The following LRBA variants were observed in gnomAD, a reference collection of about 807,000 sequenced individuals.
LRBA encodes lipopolysaccharide-responsive and beige-like anchor protein.
A neutral mutation model predicts 330.0 loss-of-function variants in LRBA; 176 were observed. The observed-to-expected ratio is 0.53, with a 90% CI of 0.47 to 0.60. LRBA has a LOEUF of 0.60. Among genes scored for constraint, LRBA ranks in the 20% least tolerant of loss-of-function variants. The probability of loss-of-function intolerance (pLI) is 0.00; values close to 1 mark genes in which losing one functional copy is unlikely to be tolerated. For synonymous variants in LRBA, 1,230 were observed against 1,193.0 expected, an observed-to-expected ratio of 1.03 and a Z score of -0.64; for missense variants, 3,259 against 3,444.8, an observed-to-expected ratio of 0.95 and a Z score of 1.35.
chr4:150,625,245 T>C (rs1462168096), intron 37 of LRBA, among the ~76,000 whole-genome samples: 1 of 152,184 alleles, frequency 6.6e-6, no homozygotes, highest in Non-Finnish European at 1.5e-5. Context: ...CACAATCACC[T>C]TTTGAAATCT....
At chr4:150,669,247 G>T (rs1023568237) in intron 37 of LRBA, among the ~76,000 whole-genome samples, 3 of 152,124 alleles carry the variant, frequency 2.0e-5, no homozygotes, top group Non-Finnish European at 4.4e-5. Flanking sequence ...TAGAGTTCCT[G>T]TATACCCTTC....
chr4:150,490,897 C>T lies in LRBA; in HGVS notation c.6448+21G>A, dbSNP rs75363772. The T allele has an allele frequency of 9.6e-3, 13,361 of 1,388,300 alleles. 87 individuals are homozygous for T. The highest frequency in any genetic ancestry group is 0.012 in the Non-Finnish European group (11,583 of 981,150). The allele number at this position is 1,388,300 out of a possible 1,614,324, so 86.0% of individuals were successfully genotyped here. Reference sequence around the variant, plus strand: ...GAGATGGAAGTTAGCTCTGTAACAACGTATTTCTGTAACACATTACCTCTG... The same window carrying T: ...GAGATGGAAGTTAGCTCTGTAACAATGTATTTCTGTAACACATTACCTCTG... On this transcript the variant is annotated intron_variant, in intron 41 of 56. Coordinates refer to ENST00000651943, the MANE Select transcript of LRBA (RefSeq NM_001364905.1).
chr4:150,704,316 G>A (rs4501201), intron 36 of LRBA, among the ~76,000 whole-genome samples: 106,841 of 151,776 alleles, frequency 0.7, 42,609 homozygotes, highest in Non-Finnish European at 0.9. Flanking sequence ...CCAAAACATT[G>A]TCTTGCCTCT....
Position 150,852,273 on chromosome 4 carries a change from T to A in LRBA, c.3437A>T (p.Asp1146Val), listed in dbSNP as rs1578998055. 6.2e-7 allele frequency: 1 copy of A among 1,614,134 alleles called. No individual in the cohort carries two copies. Among genetic ancestry groups the A allele is most frequent in the Non-Finnish European group, 8.5e-7 (1 of 1,180,016 alleles). The change falls in exon 23 of 57, where the codon GAC (aspartate) becomes GTC (valine). Residue 1146 changes from aspartate to valine, a missense_variant. Physicochemically the swap from Asp to Val is radical, Grantham distance 152. Transcript: ENST00000651943. The part of the protein sequence containing the change: ...PAASEAGEKL[D>V]MFGNDDKLIF... ...TAATTTGTCATCATTACCAAACATGTCCAGTTTTTCACCGGCTTCAGATGC... is the reference window on the plus strand; with the variant it reads ...TAATTTGTCATCATTACCAAACATGACCAGTTTTTCACCGGCTTCAGATGC...
At chr4:150,762,949 CT>C (rs1735294803) in intron 34 of LRBA, among the ~76,000 whole-genome samples, 1 of 151,856 alleles carries the variant, frequency 6.6e-6, no homozygotes, top group South Asian at 2.1e-4. Context: ...CATTCTCATC[CT>C]TTCTCTTCTA....
chr4:150,821,907 T>C (rs1442194890), intron 30 of LRBA, among the ~76,000 whole-genome samples: 1 of 152,166 alleles, frequency 6.6e-6, no homozygotes, highest in East Asian at 1.9e-4. Flanking sequence ...CATGTAGCTG[T>C]TACTCTAAAC....
chr4:150,432,340 A>T (rs1750502185), intron 46 of LRBA, among the ~76,000 whole-genome samples: 1 of 150,866 alleles, frequency 6.6e-6, no homozygotes, highest in Non-Finnish European at 1.5e-5. Context: ...CTCCAGCAAG[A>T]CAATACAAAT....
chr4:150,282,452 T>C lies in LRBA; in HGVS notation c.8314A>G (p.Arg2772Gly). Reference protein sequence around the residue: ...QATMETDDNIRAIQLSRDGQY... With the variant: ...QATMETDDNIGAIQLSRDGQY... ...TGAAGAGTCCCCAGGGCACTCACTC[T>C]TATGTTATCATCTGTTTCCATCGTG... is the stretch of plus-strand genomic sequence containing the variant. Residue 2772 changes from arginine to glycine, a missense_variant and splice_region_variant, in exon 55 of 57, where the codon AGA becomes GGA. By Grantham distance (125) the Arg-to-Gly change is moderately radical. Transcript: ENST00000651943. 1.9e-6 allele frequency: 3 copies of C among 1,613,936 alleles called. No individual in the cohort carries two copies. The highest frequency in any genetic ancestry group is 2.5e-6 in the Non-Finnish European group (3 of 1,179,848).
intron 47 of LRBA, among the ~76,000 whole-genome samples, chr4:150,355,787 T>G (rs1398168576): frequency 1.3e-5 from 2 of 152,144 alleles, no homozygotes; most frequent in African/African-American, 4.8e-5. Flanking sequence ...ATTGTACTTA[T>G]AATTAAGAGT....
At position 150,927,679 on chromosome 4, in the gene LRBA, C is replaced by A. The variant is rs10024387; in HGVS notation, c.549+837G>T. On this transcript the variant is annotated intron_variant, in intron 4 of 56. Transcript: ENST00000651943. ...CAAATTTTGTGACAATTATCTTATACCCCCACAGAAGCAAAAACTCTAAGA... is the reference window on the plus strand; with the variant it reads ...CAAATTTTGTGACAATTATCTTATAACCCCACAGAAGCAAAAACTCTAAGA... Among the ~76,000 whole-genome samples, 884 of 152,072 alleles carry A rather than the reference C, an allele frequency of 5.8e-3. 7 individuals carry two copies. Among genetic ancestry groups the A allele is most frequent in the African/African-American group, 0.02 (842 of 41,462 alleles).
chr4:150,606,039 G>A (rs968431251), intron 37 of LRBA, among the ~76,000 whole-genome samples: 1 of 152,000 alleles, frequency 6.6e-6, no homozygotes, highest in African/African-American at 2.4e-5. Flanking sequence ...ATGTAATTAG[G>A]AATTTCTGCA....
chr4:150,851,477 T>C (rs1038818259), intron 23 of LRBA, among the ~76,000 whole-genome samples: 9 of 152,248 alleles, frequency 5.9e-5, no homozygotes, highest in African/African-American at 1.7e-4. Context: ...GACTTCATAA[T>C]ACAATTTTAA....
intron 40 of LRBA, among the ~76,000 whole-genome samples, chr4:150,543,394 C>T (rs1193688179): frequency 3.3e-5 from 5 of 152,150 alleles, no homozygotes. Context: ...TTGCCATGTC[C>T]TATCCTTTTC....
At chr4:150,905,138 C>T (rs1731187016) in intron 13 of LRBA, among the ~76,000 whole-genome samples, 1 of 151,968 alleles carries the variant, frequency 6.6e-6, no homozygotes, top group Admixed American at 6.6e-5. Flanking sequence ...TGTTCATATA[C>T]CTTACCACAA....
intron 37 of LRBA, among the ~76,000 whole-genome samples, chr4:150,631,911 A>G (rs1367199739): frequency 5.9e-5 from 9 of 152,150 alleles, no homozygotes; most frequent in African/African-American, 2.2e-4. Context: ...TAAAGATCAG[A>G]GTGTTGATTT....
chr4:150,348,988 G>A (rs1736780323), intron 48 of LRBA, among the ~76,000 whole-genome samples: 1 of 152,100 alleles, frequency 6.6e-6, no homozygotes, highest in Non-Finnish European at 1.5e-5. Flanking sequence ...GAGTTTATGT[G>A]ACCCAATTCT....
At position 150,908,268 on chromosome 4, in the gene LRBA, T is replaced by C. The variant is rs1408838703; in HGVS notation, c.1493+66A>G. On this transcript the variant is annotated intron_variant, in intron 11 of 56. Coordinates refer to ENST00000651943, the MANE Select transcript of LRBA (RefSeq NM_001364905.1). Reference sequence around the variant, plus strand: ...CAACAAAACCTGAAAGGCAAAATATTGTATAGCTCAACAGTGATGAAATTA... The same window carrying C: ...CAACAAAACCTGAAAGGCAAAATATCGTATAGCTCAACAGTGATGAAATTA... 3 of 1,508,930 alleles carry C rather than the reference T, an allele frequency of 2.0e-6. No homozygotes were observed. In the African/African-American group the frequency reaches 4.3e-5, roughly 22 times the overall value. The allele number at this position is 1,508,930 out of a possible 1,614,324, so 93.5% of individuals were successfully genotyped here.
At chr4:150,649,121 G>A (rs901984452) in intron 37 of LRBA, among the ~76,000 whole-genome samples, 2 of 152,090 alleles carry the variant, frequency 1.3e-5, no homozygotes, top group African/African-American at 4.8e-5. Flanking sequence ...TTGGGCACTT[G>A]TTATCTCTTA....
At position 150,999,207 on chromosome 4, in the gene LRBA, G is replaced by A. The variant is rs138938446; in HGVS notation, c.216+15220C>T. Among the ~76,000 whole-genome samples, 235 of 152,212 alleles carry A rather than the reference G, an allele frequency of 1.5e-3. 1 individual carries two copies. Among genetic ancestry groups the A allele is most frequent in the African/African-American group, 5.3e-3 (221 of 41,534 alleles). On this transcript the variant is annotated intron_variant, in intron 2 of 56. Coordinates refer to ENST00000651943, the MANE Select transcript of LRBA (RefSeq NM_001364905.1). Reference sequence around the variant, plus strand: ...ACAACTGCTGAAGAGGCAAGAAAGAGGAAGCTAGTACTAGGGGGCTTGAAT... The same window carrying A: ...ACAACTGCTGAAGAGGCAAGAAAGAAGAAGCTAGTACTAGGGGGCTTGAAT...
Sources: allele counts gnomAD v4.1 joint callset (sites outside exome capture counted in the v4.1 genomes callset), GRCh38; gene constraint gnomAD v4.1.1; transcripts MANE v1.5; gene names NCBI Gene and HGNC (gene_info 2026-07-23, HGNC 2026-07-21).